Variants in RFX7 observed in about 807,000 individuals in gnomAD.
RFX7 encodes regulatory factor X7.
A neutral mutation model predicts 111.8 loss-of-function variants in RFX7; 26 were observed. The observed-to-expected ratio is 0.23, with a 90% CI of 0.17 to 0.32. RFX7 has a LOEUF of 0.32. RFX7 is among the 10% of genes least tolerant of loss of function. RFX7 has a pLI of 1.00. For synonymous variants in RFX7, 624 were observed against 624.4 expected (o/e 1.00, Z 0.01); for missense variants, 1,573 against 1,772.9 (o/e 0.89, Z 2.02).
At chr15:56,171,476 G>C (rs1349764462) in intron 3 of RFX7, among the ~76,000 whole-genome samples, 1 of 151,978 alleles carries the variant, frequency 6.6e-6, no homozygotes. Context: ...AATGTAAAAA[G>C]GCTCAAGCAG....
chr15:56,213,515 T>G (rs1470359911), intron 2 of RFX7, among the ~76,000 whole-genome samples: 1 of 152,188 alleles, frequency 6.6e-6, no homozygotes, highest in Non-Finnish European at 1.5e-5. Context: ...GATTAGTGAC[T>G]GCCAATAGTT....
chr15:56,109,185 G>A (rs2041873518), intron 5 of RFX7, among the ~76,000 whole-genome samples: 1 of 152,222 alleles, frequency 6.6e-6, no homozygotes, highest in Admixed American at 6.5e-5. Flanking sequence ...GCCTGCGATT[G>A]CAGGCGCGCG....
chr15:56,132,703 ATTAAC>A (rs2042235021), intron 5 of RFX7, among the ~76,000 whole-genome samples: 1 of 152,160 alleles, frequency 6.6e-6, no homozygotes. Context: ...TTATTTAAAA[ATTAAC>A]TAAAATTAAC....
At chr15:56,143,958 A>G (rs2042435377) in intron 4 of RFX7, among the ~76,000 whole-genome samples, 1 of 152,066 alleles carries the variant, frequency 6.6e-6, no homozygotes, top group Non-Finnish European at 1.5e-5. Flanking sequence ...CACTTAACAC[A>G]CCTTACATTT....
chr15:56,112,307 T>C (rs1187528348), intron 5 of RFX7, among the ~76,000 whole-genome samples: 1 of 136,306 alleles, frequency 7.3e-6, no homozygotes. Context: ...CATTAGTAAA[T>C]TGTAAAAATA....
intron 9 of RFX7, among the ~76,000 whole-genome samples, chr15:56,097,769 A>AAAAAAAAAAAC (rs1420813791): frequency 6.7e-6 from 1 of 149,182 alleles, no homozygotes; most frequent in African/African-American, 2.4e-5. Context: ...AAAAAAAAAA[A>AAAAAAAAAAAC]AATCTTGGCT....
intron 5 of RFX7, among the ~76,000 whole-genome samples, chr15:56,123,595 C>T (rs140117934): frequency 5.2e-4 from 79 of 152,284 alleles, no homozygotes; most frequent in Admixed American, 3.8e-3. Context: ...GGTGGTATGC[C>T]GCCCAAGTCC....
rs1217955100 is a variant in RFX7, at chr15:56,101,536, G to C, written c.634C>G (p.Gln212Glu). The C allele has an allele frequency of 1.2e-6, 2 of 1,613,688 alleles. No homozygotes were observed. The highest frequency in any genetic ancestry group is 1.7e-6 in the Non-Finnish European group (2 of 1,179,774). Reference protein sequence around the residue: ...LEGAEPSGQLQNIDEEVISSA... With the variant: ...LEGAEPSGQLENIDEEVISSA... ...GAGATAACTTCTTCATCAATATTTT[G>C]AAGCTGCCCAGAAGGTTCAGCTCCT... Residue 212 changes from glutamine to glutamate, a missense_variant, in exon 8 of 10, where the codon CAA (glutamine) becomes GAA (glutamate). Gln to Glu is a conservative substitution (Grantham distance 29). This residue lies in a region of RFX7 where 288 missense variants were observed against 337.9 expected (regional missense o/e 0.85). Coordinates refer to ENST00000559447, the MANE Select transcript of RFX7 (RefSeq NM_022841.7).
intron 3 of RFX7, among the ~76,000 whole-genome samples, chr15:56,149,652 A>G (rs2042539875): frequency 6.6e-6 from 1 of 152,156 alleles, no homozygotes; most frequent in African/African-American, 2.4e-5. Context: ...CTGAGCCTGA[A>G]GAACTCCAGC....
At chr15:56,187,209 G>T (rs1004172535) in intron 2 of RFX7, among the ~76,000 whole-genome samples, 1 of 148,364 alleles carries the variant, frequency 6.7e-6, no homozygotes, top group Non-Finnish European at 1.5e-5. Flanking sequence ...TGTACTGGTA[G>T]AATTTTTTTT....
At chr15:56,144,010 GT>G in intron 4 of RFX7, among the ~76,000 whole-genome samples, 1 of 151,916 alleles carries the variant, frequency 6.6e-6, no homozygotes, top group Non-Finnish European at 1.5e-5. Flanking sequence ...TTTATTTTCT[GT>G]TTTATATTCT....
At chr15:56,238,926 T>G (rs913483666) in intron 2 of RFX7, among the ~76,000 whole-genome samples, 5 of 152,206 alleles carry the variant, frequency 3.3e-5, no homozygotes, top group Admixed American at 1.3e-4. Context: ...CTCCACCTCC[T>G]GGGTTCAAGG....
At chr15:56,141,090 A>C (rs1394395214) in intron 5 of RFX7, among the ~76,000 whole-genome samples, 3 of 152,256 alleles carry the variant, frequency 2.0e-5, no homozygotes, top group Non-Finnish European at 4.4e-5. Flanking sequence ...TTGGATAATT[A>C]GTCCTTTAAC....
At chr15:56,231,989 AGGTG>A (rs1407347424) in intron 2 of RFX7, among the ~76,000 whole-genome samples, 1 of 152,206 alleles carries the variant, frequency 6.6e-6, no homozygotes, top group African/African-American at 2.4e-5. Flanking sequence ...CTGATTCAAG[AGGTG>A]GGTTCCCATG....
At chr15:56,176,448 G>GA (rs1264037889) in intron 3 of RFX7, among the ~76,000 whole-genome samples, 1 of 151,996 alleles carries the variant, frequency 6.6e-6, no homozygotes, top group African/African-American at 2.4e-5. Flanking sequence ...ACCAACAAAA[G>GA]AAAACTTACG....
chr15:56,181,122 C>T lies in RFX7; in HGVS notation c.162-1819G>A, dbSNP rs544273248. 2.7e-4 allele frequency among the ~76,000 whole-genome samples: 41 copies of T among 152,262 alleles called. No individual in the cohort carries two copies. In the Middle Eastern group the frequency reaches 0.02, roughly 76 times the overall value. ...AGTCTTTACCATGGCCATAAAAACCCAGTATGACCCAATCCTCTGCCATCT... is the reference window on the plus strand; with the variant it reads ...AGTCTTTACCATGGCCATAAAAACCTAGTATGACCCAATCCTCTGCCATCT... On this transcript the variant is annotated intron_variant, in intron 2 of 9. Coordinates refer to ENST00000559447, the MANE Select transcript of RFX7 (RefSeq NM_022841.7).
chr15:56,139,365 T>G (rs2042354134), intron 5 of RFX7, among the ~76,000 whole-genome samples: 2 of 152,338 alleles, frequency 1.3e-5, no homozygotes, highest in East Asian at 1.9e-4. Context: ...TTTCATTCAT[T>G]TCATCATCCA....
chr15:56,241,039 G>T (rs369867658), intron 2 of RFX7, among the ~76,000 whole-genome samples: 1 of 151,876 alleles, frequency 6.6e-6, no homozygotes, highest in Non-Finnish European at 1.5e-5. Flanking sequence ...TGTTTATTCC[G>T]AAATTTTAAG....
intron 5 of RFX7, among the ~76,000 whole-genome samples, chr15:56,138,265 T>C (rs1488631060): frequency 6.9e-6 from 1 of 143,934 alleles, no homozygotes; most frequent in East Asian, 2.1e-4. Flanking sequence ...TCTTTGTAGG[T>C]CACTCAGGAC....
Sources: gnomAD v4.1 joint callset for allele counts (sites outside exome capture counted in the v4.1 genomes callset) on GRCh38, gnomAD v4.1.1 for gene constraint, gnomAD v4.1.1 regional missense constraint, MANE v1.5 for transcripts, NCBI Gene and HGNC (gene_info 2026-07-23, HGNC 2026-07-21) for gene names.